The following RANBP17 variants were observed in gnomAD, a reference collection of about 807,000 sequenced individuals.
RANBP17 encodes ran-binding protein 17.
In RANBP17, 158 loss-of-function variants were observed where a neutral mutation model predicts 141.2. That is an observed-to-expected ratio of 1.12 (90% CI 0.98 to 1.28). The LOEUF is 1.28. Among genes scored for constraint, RANBP17 ranks in the 50% most tolerant of loss-of-function variants. RANBP17 has a pLI of 0.00. For synonymous variants in RANBP17, 430 were observed against 450.0 expected, an observed-to-expected ratio of 0.96 and a Z score of 0.56; for missense variants, 1,438 against 1,290.7, an observed-to-expected ratio of 1.11 and a Z score of -1.75.
At chr5:170,957,496 G>T (rs1326901285) in intron 13 of RANBP17, among the ~76,000 whole-genome samples, 1 of 152,130 alleles carries the variant, frequency 6.6e-6, no homozygotes, top group Non-Finnish European at 1.5e-5. Flanking sequence ...GTGGTCATTT[G>T]CAGACATGTG....
intron 14 of RANBP17, among the ~76,000 whole-genome samples, chr5:170,996,742 A>G (rs1016877016): frequency 4.6e-5 from 7 of 152,178 alleles, no homozygotes; most frequent in Non-Finnish European, 8.8e-5. Flanking sequence ...TTTAGAAAAG[A>G]ATAATTTATC....
intron 5 of RANBP17, among the ~76,000 whole-genome samples, chr5:170,898,204 TA>T (rs888409797): frequency 6.6e-6 from 1 of 152,202 alleles, no homozygotes; most frequent in Non-Finnish European, 1.5e-5. Context: ...ATTGACCTTT[TA>T]ACATTATGTA....
At chr5:171,195,885 A>T (rs976767836) in intron 18 of RANBP17, among the ~76,000 whole-genome samples, 1 of 152,220 alleles carries the variant, frequency 6.6e-6, no homozygotes, top group Non-Finnish European at 1.5e-5. Context: ...TACTTTGAAA[A>T]CAGTAAGAGC....
At chr5:171,178,448 C>G (rs1222291680) in intron 16 of RANBP17, among the ~76,000 whole-genome samples, 1 of 152,068 alleles carries the variant, frequency 6.6e-6, no homozygotes, top group Non-Finnish European at 1.5e-5. Context: ...GGTTCCAAGT[C>G]TTTGCTATTG....
chr5:171,293,252 T>C (rs968764472), intron 25 of RANBP17, among the ~76,000 whole-genome samples: 6 of 152,140 alleles, frequency 3.9e-5, no homozygotes, highest in Admixed American at 6.6e-5. Flanking sequence ...ATGTCAGAGG[T>C]TGTGGTAAAT....
At chr5:171,043,354 G>A (rs1000514803) in intron 14 of RANBP17, among the ~76,000 whole-genome samples, 1 of 152,020 alleles carries the variant, frequency 6.6e-6, no homozygotes, top group Non-Finnish European at 1.5e-5. Flanking sequence ...ACTGAAATGA[G>A]GATGTGGGGT....
intron 14 of RANBP17, among the ~76,000 whole-genome samples, chr5:171,038,186 G>GTC: frequency 6.6e-6 from 1 of 151,804 alleles, no homozygotes; most frequent in East Asian, 1.9e-4. Context: ...GTGTGTGTGT[G>GTC]TGTGTGTGTG....
At chr5:170,942,585 A>C (rs1180494104) in intron 12 of RANBP17, among the ~76,000 whole-genome samples, 1 of 143,752 alleles carries the variant, frequency 7.0e-6, no homozygotes, top group Non-Finnish European at 1.6e-5. Context: ...AAGCTTTAAA[A>C]AATCAAAAGA....
chr5:170,979,425 A>T (rs1175338169), intron 14 of RANBP17, among the ~76,000 whole-genome samples: 1 of 152,220 alleles, frequency 6.6e-6, no homozygotes, highest in Non-Finnish European at 1.5e-5. Flanking sequence ...GAGTAGAGGA[A>T]TAAAAAATAC....
At chr5:171,128,360 A>G (rs1190934871) in intron 14 of RANBP17, among the ~76,000 whole-genome samples, 3 of 152,318 alleles carry the variant, frequency 2.0e-5, no homozygotes, top group South Asian at 2.1e-4. Context: ...GCATCCATTC[A>G]TTCCATTAGA....
intron 4 of RANBP17, among the ~76,000 whole-genome samples, chr5:170,894,960 A>G (rs1441455261): frequency 6.6e-6 from 1 of 152,164 alleles, no homozygotes; most frequent in African/African-American, 2.4e-5. Context: ...TGGACGAGTA[A>G]CAAACTATTT....
chr5:171,268,300 ACC>A (rs1766866157), intron 25 of RANBP17, among the ~76,000 whole-genome samples: 1 of 152,118 alleles, frequency 6.6e-6, no homozygotes, highest in Non-Finnish European at 1.5e-5. Flanking sequence ...CCTCATTTAG[ACC>A]CCACAACAAC....
chr5:170,985,102 CAT>C (rs1265779881), intron 14 of RANBP17, among the ~76,000 whole-genome samples: 2 of 151,066 alleles, frequency 1.3e-5, no homozygotes, highest in Non-Finnish European at 3.0e-5. Context: ...CAGAACCACA[CAT>C]ATACACACAA....
At chr5:171,197,465 A>G (rs1017365654) in intron 18 of RANBP17, among the ~76,000 whole-genome samples, 5 of 152,140 alleles carry the variant, frequency 3.3e-5, no homozygotes, top group African/African-American at 4.8e-5. Context: ...GTAAAGTCAG[A>G]CACCTGGACC....
intron 14 of RANBP17, among the ~76,000 whole-genome samples, chr5:171,026,972 A>G (rs1214690194): frequency 1.3e-5 from 2 of 152,044 alleles, no homozygotes; most frequent in Non-Finnish European, 2.9e-5. Context: ...TTAGATTCTC[A>G]TAGGAGGACG....
intron 14 of RANBP17, among the ~76,000 whole-genome samples, chr5:171,168,366 G>A (rs1759849614): frequency 6.6e-6 from 1 of 152,196 alleles, no homozygotes; most frequent in Non-Finnish European, 1.5e-5. Context: ...AGATGTCTCA[G>A]TGATCCATCA....
intron 13 of RANBP17, among the ~76,000 whole-genome samples, chr5:170,964,542 T>G: frequency 6.6e-6 from 1 of 152,186 alleles, no homozygotes; most frequent in South Asian, 2.1e-4. Flanking sequence ...TGCTATCCCT[T>G]CCACCTCCCC....
At chr5:170,965,663 C>T (rs1776501340) in intron 13 of RANBP17, among the ~76,000 whole-genome samples, 1 of 152,084 alleles carries the variant, frequency 6.6e-6, no homozygotes, top group Admixed American at 6.6e-5. Context: ...GGAATCCTTT[C>T]CCCATTTCTT....
At chr5:170,914,968 T>C (rs1771827095) in intron 8 of RANBP17, among the ~76,000 whole-genome samples, 1 of 152,156 alleles carries the variant, frequency 6.6e-6, no homozygotes, top group African/African-American at 2.4e-5. Flanking sequence ...AGGTATCTTA[T>C]TGCCTAAAAG....
Sources: allele counts gnomAD v4.1 joint callset (sites outside exome capture counted in the v4.1 genomes callset), GRCh38; gene constraint gnomAD v4.1.1; transcripts MANE v1.5; gene names NCBI Gene and HGNC (gene_info 2026-07-23, HGNC 2026-07-21).